The following MALL variants were observed in gnomAD, a reference collection of about 807,000 sequenced individuals.
MALL encodes MAL-like protein.
A neutral mutation model predicts 10.3 loss-of-function variants in MALL; 2 were observed. That is an observed-to-expected ratio of 0.19 (90% CI 0.08 to 0.61). The LOEUF is 0.61. Ranked by LOEUF, MALL falls within the 20% of genes least tolerant of loss-of-function variation. The pLI, the probability that MALL is intolerant of heterozygous loss-of-function variation, is 0.88. For missense variants in MALL, 39 were observed against 115.2 expected (o/e 0.34, Z 3.03); for synonymous variants, 27 against 51.8 (o/e 0.52, Z 2.05).
chr2:110,108,056 T>A lies in MALL; in HGVS notation c.105+7632A>T, dbSNP rs576832164. ...CTGAACAGCCTTCAGCCCTAGACCT[T>A]CACTCTGACAGAGCCTATGCAAATG... On this transcript the variant is annotated intron_variant, in intron 1 of 3. Coordinates refer to ENST00000272462, the MANE Select transcript of MALL (RefSeq NM_005434.5). Among the ~76,000 whole-genome samples, 77 of 152,200 alleles carry A rather than the reference T, an allele frequency of 5.1e-4. 1 individual carries two copies. The highest frequency in any genetic ancestry group is 1.8e-3 in the African/African-American group (75 of 41,530).
At chr2:110,105,885 C>T (rs1223119137) in intron 1 of MALL, among the ~76,000 whole-genome samples, 1 of 152,136 alleles carries the variant, frequency 6.6e-6, no homozygotes, top group Non-Finnish European at 1.5e-5. Context: ...CAGACAGGCT[C>T]TTCCATATAA....
intron 1 of MALL, among the ~76,000 whole-genome samples, chr2:110,111,104 C>T (rs758606501): frequency 1.9e-4 from 29 of 152,092 alleles, no homozygotes; most frequent in Non-Finnish European, 4.3e-4. Flanking sequence ...AAACCCACAG[C>T]CAACGTAATA....
At chr2:110,093,075 C>T (rs1465786263) in intron 1 of MALL, among the ~76,000 whole-genome samples, 1 of 13,648 alleles carries the variant, frequency 7.3e-5, no homozygotes, top group East Asian at 2.2e-3. Flanking sequence ...TTAGTCTTCA[C>T]TCTGTCTTCG....
At chr2:110,096,903 TCA>T (rs10616248) in intron 1 of MALL, among the ~76,000 whole-genome samples, 116,671 of 151,792 alleles carry the variant, frequency 0.77, 48,797 homozygotes, top group Non-Finnish European at 0.93. Context: ...ACTGTTCAAC[TCA>T]GTAATTTCAC....
chr2:110,107,223 G>A lies in MALL; in HGVS notation c.105+8465C>T, dbSNP rs141637202. ...CCCAAGTACCAAGGGCAGCTTCTGG[G>A]CTCTGATACTGTACTACTGTTAGGA... On this transcript the variant is annotated intron_variant, in intron 1 of 3. Transcript: ENST00000272462. Among the ~76,000 whole-genome samples, 127 of 152,256 alleles carry A rather than the reference G, an allele frequency of 8.3e-4. 1 individual carries two copies. The East Asian group carries it at 0.014, about 17-fold the overall frequency.
chr2:110,107,772 C>T (rs963600632), intron 1 of MALL, among the ~76,000 whole-genome samples: 2 of 152,184 alleles, frequency 1.3e-5, no homozygotes, highest in Non-Finnish European at 2.9e-5. Context: ...GCTAAAGACC[C>T]TCACAGAGTC....
intron 1 of MALL, among the ~76,000 whole-genome samples, chr2:110,114,389 T>G (rs1345726123): frequency 1.3e-5 from 2 of 151,950 alleles, no homozygotes; most frequent in African/African-American, 4.8e-5. Flanking sequence ...AGGACTGACA[T>G]GAACCACAGG....
At chr2:110,102,960 A>G (rs560980276) in intron 1 of MALL, among the ~76,000 whole-genome samples, 1 of 152,300 alleles carries the variant, frequency 6.6e-6, no homozygotes, top group East Asian at 1.9e-4. Context: ...ACTGGGGCAG[A>G]AAGAGTCCAG....
intron 1 of MALL, among the ~76,000 whole-genome samples, chr2:110,105,261 G>T (rs1189707963): frequency 6.6e-6 from 1 of 152,198 alleles, no homozygotes; most frequent in African/African-American, 2.4e-5. Flanking sequence ...CTGGCCAAGG[G>T]GCCAAGGTGG....
chr2:110,103,586 C>A (rs1407510428), intron 1 of MALL, among the ~76,000 whole-genome samples: 1 of 152,198 alleles, frequency 6.6e-6, no homozygotes, highest in Non-Finnish European at 1.5e-5. Context: ...AGAGAGCCAG[C>A]ACTTCTACTG....
intron 1 of MALL, among the ~76,000 whole-genome samples, chr2:110,095,164 C>A (rs1678415047): frequency 1.3e-5 from 2 of 152,104 alleles, no homozygotes; most frequent in Non-Finnish European, 2.9e-5. Context: ...GGATTCCTTA[C>A]AGTTGTGAAA....
At chr2:110,115,156 C>T (rs535103465) in intron 1 of MALL, among the ~76,000 whole-genome samples, 1 of 152,236 alleles carries the variant, frequency 6.6e-6, no homozygotes, top group Admixed American at 6.5e-5. Context: ...AGTCAGCGGA[C>T]GTGACAATTA....
At chr2:110,100,331 A>C (rs1263742103) in intron 1 of MALL, among the ~76,000 whole-genome samples, 1 of 152,078 alleles carries the variant, frequency 6.6e-6, no homozygotes, top group African/African-American at 2.4e-5. Context: ...GTTTCAAAAA[A>C]TTAAGTGATC....
chr2:110,114,055 G>T (rs976586681), intron 1 of MALL, among the ~76,000 whole-genome samples: 2 of 152,072 alleles, frequency 1.3e-5, no homozygotes, highest in African/African-American at 4.8e-5. Flanking sequence ...ACTGGCAGGA[G>T]CAGGGCAGGT....
chr2:110,099,746 G>A (rs561376015), intron 1 of MALL, among the ~76,000 whole-genome samples: 3 of 152,220 alleles, frequency 2.0e-5, no homozygotes, highest in Admixed American at 6.5e-5. Context: ...TGAGAAGGGG[G>A]CACAGGGCAC....
chr2:110,117,587 A>G (rs944168119), upstream of MALL, among the ~76,000 whole-genome samples: 17 of 105,488 alleles, frequency 1.6e-4, no homozygotes, highest in African/African-American at 4.3e-4. Flanking sequence ...GACCAAAGCA[A>G]TGTGTGTGTG....
upstream of MALL, chr2:110,116,484 G>C (rs1183817020): frequency 6.6e-6 from 1 of 152,380 alleles, no homozygotes; most frequent in East Asian, 1.9e-4. Flanking sequence ...TCATGGGGCA[G>C]ATGAAGGCCC....
chr2:110,108,673 T>C (rs1678743344), intron 1 of MALL, among the ~76,000 whole-genome samples: 1 of 152,116 alleles, frequency 6.6e-6, no homozygotes, highest in African/African-American at 2.4e-5. Context: ...GACAGCCAAA[T>C]ATAAGAAGCA....
At chr2:110,115,477 G>C (rs1001308614) in intron 1 of MALL, among the ~76,000 whole-genome samples, 1 of 65,942 alleles carries the variant, frequency 1.5e-5, no homozygotes, top group Admixed American at 1.6e-4. Flanking sequence ...CTCGCTCCCC[G>C]CTCTCGGTCC....
Sources: gnomAD v4.1 joint callset for allele counts (sites outside exome capture counted in the v4.1 genomes callset) on GRCh38, gnomAD v4.1.1 for gene constraint, MANE v1.5 for transcripts, NCBI Gene and HGNC (gene_info 2026-07-23, HGNC 2026-07-21) for gene names.